Variants in HHLA1 observed in about 807,000 individuals in gnomAD.
The protein encoded by HHLA1 is HERV-H LTR-associating protein 1.
Under a neutral mutation model 69.9 loss-of-function variants are expected in HHLA1, and 72 were observed. The observed-to-expected ratio is 1.03, with a 90% CI of 0.85 to 1.25. The LOEUF is 1.25. Among genes scored for constraint, HHLA1 ranks in the 50% most tolerant of loss-of-function variants. The pLI is 0.00. For missense variants in HHLA1, 685 were observed against 642.2 expected, an observed-to-expected ratio of 1.07 and a Z score of -0.72; for synonymous variants, 252 against 233.2, an observed-to-expected ratio of 1.08 and a Z score of -0.73.
At chr8:132,088,616 C>T (rs1823898930) in intron 8 of HHLA1, among the ~76,000 whole-genome samples, 1 of 152,078 alleles carries the variant, frequency 6.6e-6, no homozygotes, top group Non-Finnish European at 1.5e-5. Context: ...AGGTATGGTG[C>T]CCAGCAGATA....
At chr8:132,079,074 C>T (rs1823694989) in intron 11 of HHLA1, among the ~76,000 whole-genome samples, 2 of 152,148 alleles carry the variant, frequency 1.3e-5, no homozygotes, top group Non-Finnish European at 2.9e-5. Flanking sequence ...AATGAGCTAC[C>T]TCCATTTTAT....
chr8:132,100,266 G>T (rs1469344153), intron 3 of HHLA1, 132 bp from the exon 4 acceptor site: 12 of 679,988 alleles, frequency 1.8e-5, no homozygotes, highest in Non-Finnish European at 2.9e-5. Flanking sequence ...CTGAGGAAAG[G>T]CAGATCACAG....
chr8:132,091,130 T>C (rs1003333456), intron 7 of HHLA1, among the ~76,000 whole-genome samples: 11 of 152,214 alleles, frequency 7.2e-5, no homozygotes, highest in Admixed American at 7.2e-4. Flanking sequence ...TTCTCCTTTG[T>C]TTATTAATCC....
At position 132,063,121 on chromosome 8, in the gene HHLA1, C is replaced by A. The variant is rs1823380602; in HGVS notation, c.*874G>T. On this transcript the variant is annotated 3_prime_UTR_variant, in exon 17 of 17. Coordinates refer to ENST00000414222, the MANE Select transcript of HHLA1 (RefSeq NM_001145095.3). ...TGACAATACTCCACGTGTTGTTAAA[C>A]ATTATTTCTGGGAGGATTAGATGCT... 1.3e-5 allele frequency: 2 copies of A among 152,274 alleles called. No homozygotes were observed. The allele number at this position is 152,274 out of a possible 1,614,324, so 9.4% of individuals were successfully genotyped here. A position where few individuals can be genotyped will look rare whatever the true frequency, so the allele number is the denominator to read the frequency against.
chr8:132,069,891 G>C (rs1032341592), intron 15 of HHLA1: 1 of 153,460 alleles, frequency 6.5e-6, no homozygotes, highest in African/African-American at 2.4e-5. Context: ...TCCTAAAGTG[G>C]GCTTAACCTA....
chr8:132,093,275 A>G (rs968915958), intron 7 of HHLA1, among the ~76,000 whole-genome samples: 8 of 152,056 alleles, frequency 5.3e-5, no homozygotes, highest in African/African-American at 1.9e-4. Flanking sequence ...GATATCAGCT[A>G]TTTCTGGTTT....
In HHLA1 at chr8:132,095,784, T is replaced by A; in HGVS notation, c.283A>T (p.Ser95Cys). 6.5e-7 allele frequency: 1 copy of A among 1,549,098 alleles called. No homozygotes were observed. ...CTCAGCAAGGAGAAGAACTTCTTGC[T>A]ATCTGCCAAAACATACCAGATAAAG... is the stretch of plus-strand genomic sequence containing the variant. ...NGMLSRALKD[S>C]KKFFSLLSVT... The change falls in exon 6 of 17, where the codon AGC (serine) becomes TGC (cysteine). Residue 95 changes from serine to cysteine, a missense_variant and splice_region_variant. Ser to Cys is a moderately radical substitution (Grantham distance 112, BLOSUM62 -1). Coordinates refer to ENST00000414222, the MANE Select transcript of HHLA1 (RefSeq NM_001145095.3).
intron 10 of HHLA1, among the ~76,000 whole-genome samples, chr8:132,084,550 T>C (rs1422315264): frequency 6.6e-6 from 1 of 152,114 alleles, no homozygotes; most frequent in Non-Finnish European, 1.5e-5. Context: ...CAAAGTGCCA[T>C]TTTCTGGCTA....
intron 15 of HHLA1, among the ~76,000 whole-genome samples, chr8:132,069,355 G>GT (rs576274240): frequency 0.013 from 1,939 of 151,718 alleles, 47 homozygotes; most frequent in African/African-American, 0.045. Context: ...TCCCACCAGT[G>GT]TTTTTTTTGT....
chr8:132,106,075 T>G (rs1225123754), intron 1 of HHLA1, among the ~76,000 whole-genome samples: 1 of 152,202 alleles, frequency 6.6e-6, no homozygotes, highest in South Asian at 2.1e-4. Context: ...TGATGCATAC[T>G]TGATAACTGT....
At chr8:132,066,832 C>A (rs1468266413) in intron 15 of HHLA1, among the ~76,000 whole-genome samples, 4 of 152,160 alleles carry the variant, frequency 2.6e-5, no homozygotes, top group African/African-American at 4.8e-5. Context: ...AATGACTTCC[C>A]CAAGGGATTT....
chr8:132,069,147 G>A (rs143229394), intron 15 of HHLA1, among the ~76,000 whole-genome samples: 198 of 152,230 alleles, frequency 1.3e-3, no homozygotes, highest in African/African-American at 4.2e-3. Flanking sequence ...CAGCTACATT[G>A]AACATCTCAG....
rs1434993552 is a variant in HHLA1, at chr8:132,095,926, TACAA to T, written c.281-144_281-141del. Reference sequence around the variant, plus strand: ...AATAAAGAAACAAACAAAAAAGTAATACAAATAAAAAATAATAAACAAAGTAAAA... The same window carrying T: ...AATAAAGAAACAAACAAAAAAGTAATATAAAAAATAATAAACAAAGTAAAA... On this transcript the variant is annotated intron_variant, in intron 5 of 16. Coordinates refer to ENST00000414222, the MANE Select transcript of HHLA1 (RefSeq NM_001145095.3). 40 of 566,772 alleles carry T rather than the reference TACAA, an allele frequency of 7.1e-5. 1 individual carries two copies. In the South Asian group the frequency reaches 1.1e-3, roughly 16 times the overall value. The allele number at this position is 566,772 out of a possible 1,614,324, so 35.1% of individuals were successfully genotyped here.
Position 132,071,369 on chromosome 8 carries a change from G to A in HHLA1, c.1440C>T (p.Ser480=), listed in dbSNP as rs997926210. Residue 480 remains serine, a synonymous_variant, in exon 15 of 17, where the codon AGC becomes AGT. Coordinates refer to ENST00000414222, the MANE Select transcript of HHLA1 (RefSeq NM_001145095.3). ...TGTCCTCTGTCCTGGGACTCCTCTG[G>A]CTCATGCAGAGGCATTGCTGGAAGA... is the stretch of plus-strand genomic sequence containing the variant. ...CQFFQQCLCM[S]QRSPRTEDMR... 1.9e-6 allele frequency: 3 copies of A among 1,551,526 alleles called. No homozygotes were observed. Among genetic ancestry groups the A allele is most frequent in the Non-Finnish European group, 2.6e-6 (3 of 1,146,930 alleles).
chr8:132,071,569 A>AGGT, intron 14 of HHLA1, 76 bp from the exon 15 acceptor site: 1 of 1,370,148 alleles, frequency 7.3e-7, no homozygotes, highest in East Asian at 2.5e-5. Flanking sequence ...GCCCTGCATC[A>AGGT]GGTGAATATA....
intron 3 of HHLA1, among the ~76,000 whole-genome samples, chr8:132,101,628 G>C (rs1012020854): frequency 2.8e-4 from 43 of 150,974 alleles, no homozygotes; most frequent in Non-Finnish European, 8.8e-5. Flanking sequence ...GCCCAGGCTG[G>C]AGTGCAGTGG....
At position 132,103,793 on chromosome 8, in the gene HHLA1, A is replaced by G. The variant is rs908936759; in HGVS notation, c.139+315T>C. On this transcript the variant is annotated intron_variant, in intron 3 of 16. Coordinates refer to ENST00000414222, the MANE Select transcript of HHLA1 (RefSeq NM_001145095.3). ...TAGTCACCATTGTACTGCAAAGTGA[A>G]TTTCATAGCATCAAGAAGGAAAGGC... 5.9e-5 allele frequency among the ~76,000 whole-genome samples: 9 copies of G among 152,290 alleles called. No individual in the cohort carries two copies. In the South Asian group the frequency reaches 1.9e-3, roughly 32 times the overall value.
chr8:132,101,360 A>G, intron 3 of HHLA1: 1 of 1,475,100 alleles, frequency 6.8e-7, no homozygotes, highest in Admixed American at 2.4e-5. Flanking sequence ...CATCTTGTCC[A>G]ACACTTTGAA....
chr8:132,077,190 G>A (rs1056590336), intron 12 of HHLA1, among the ~76,000 whole-genome samples: 1 of 152,082 alleles, frequency 6.6e-6, no homozygotes, highest in Admixed American at 6.6e-5. Flanking sequence ...AGGCACAGGC[G>A]ATGGACACCC....
Sources: allele counts gnomAD v4.1 joint callset (sites outside exome capture counted in the v4.1 genomes callset), GRCh38; gene constraint gnomAD v4.1.1; transcripts MANE v1.5; gene names NCBI Gene and HGNC (gene_info 2026-07-23, HGNC 2026-07-21).